MARCHF8: variants seen among roughly 807,000 people sequenced by gnomAD.
MARCHF8 encodes the protein membrane associated ring-CH-type finger 8.
Under a neutral mutation model 51.6 loss-of-function variants are expected in MARCHF8, and 40 were observed. The ratio of observed to expected loss-of-function variants is 0.77; its 90% CI spans 0.60 to 1.01. The LOEUF is 1.01. Ranked by LOEUF, MARCHF8 falls within the 50% of genes least tolerant of loss-of-function variation. MARCHF8 has a pLI of 0.00. For missense variants in MARCHF8, 685 were observed against 708.6 expected, an observed-to-expected ratio of 0.97 and a Z score of 0.38; for synonymous variants, 263 against 280.3, an observed-to-expected ratio of 0.94 and a Z score of 0.62.
chr10:45,463,406 T>C lies in MARCHF8; in HGVS notation c.833A>G (p.His278Arg), dbSNP rs1287755935. Residue 278 changes from histidine to arginine, a missense_variant, in exon 5 of 8, where the codon CAT becomes CGT. Transcript: ENST00000453424. ...GLSASSLHRF[H>R]ELESCAARLH... The stretch of plus-strand genomic sequence containing the variant: ...GCGAGCAGCGCAGCTCTCCAGCTCA[T>C]GGAACCTGTGCAGGCTGCTGGCGCT... 5 of 1,550,542 alleles carry C rather than the reference T, an allele frequency of 3.2e-6. No homozygotes were observed. Among genetic ancestry groups the C allele is most frequent in the South Asian group, 1.2e-5 (1 of 84,072 alleles).
chr10:45,494,086 A>G (rs1280336147), intron 2 of MARCHF8, among the ~76,000 whole-genome samples: 1 of 152,248 alleles, frequency 6.6e-6, no homozygotes, highest in Non-Finnish European at 1.5e-5. Flanking sequence ...GGAAAGACTG[A>G]GTCTGAGGGT....
In MARCHF8 at chr10:45,526,484, G is replaced by GGAGT. The variant is rs1259263782; in HGVS notation, c.102+6622_102+6625dup. ...CAGAGGCATTGCTCAAACTCACATG[G>GGAGT]GAGTACACAGGCTTCCGAGCCCTGA... is the stretch of plus-strand genomic sequence containing the variant. On this transcript the variant is annotated intron_variant, in intron 2 of 7. Coordinates refer to ENST00000453424, the MANE Select transcript of MARCHF8 (RefSeq NM_001282866.2). Among the ~76,000 whole-genome samples the GGAGT allele has an allele frequency of 7.9e-5, 12 of 152,116 alleles. 1 individual carries two copies. The highest frequency in any genetic ancestry group is 7.2e-4 in the Admixed American group (11 of 15,272).
intron 3 of MARCHF8, among the ~76,000 whole-genome samples, chr10:45,479,463 T>G (rs952637266): frequency 6.6e-6 from 1 of 152,176 alleles, no homozygotes; most frequent in Non-Finnish European, 1.5e-5. Context: ...GCTGATATGA[T>G]TTGGCTGTGT....
At position 45,529,074 on chromosome 10, in the gene MARCHF8, A is replaced by G. The variant is rs149965109; in HGVS notation, c.102+4036T>C. ...AAATTACTTGACTTCAAATTGTACT[A>G]TAAGGCTATAACAACCAAAACTATT... On this transcript the variant is annotated intron_variant, in intron 2 of 7. Coordinates refer to ENST00000453424, the MANE Select transcript of MARCHF8 (RefSeq NM_001282866.2). Among the ~76,000 whole-genome samples, 7 of 152,396 alleles carry G rather than the reference A, an allele frequency of 4.6e-5. No individual in the cohort carries two copies. In the East Asian group the frequency reaches 1.3e-3, roughly 29 times the overall value.
At chr10:45,498,716 TCCTC>T (rs898015332) in intron 2 of MARCHF8, among the ~76,000 whole-genome samples, 3 of 152,196 alleles carry the variant, frequency 2.0e-5, no homozygotes, top group Non-Finnish European at 4.4e-5. Flanking sequence ...CCTCAGGTGA[TCCTC>T]CCTCCTCGGC....
chr10:45,550,313 G>T (rs9422650), intron 1 of MARCHF8, among the ~76,000 whole-genome samples: 9,388 of 152,146 alleles, frequency 0.062, 331 homozygotes, highest in Non-Finnish European at 0.067. Context: ...AATCCATACC[G>T]CTTGAAGATC....
intron 2 of MARCHF8, among the ~76,000 whole-genome samples, chr10:45,493,116 T>C (rs1244781428): frequency 6.6e-6 from 1 of 152,158 alleles, no homozygotes; most frequent in Non-Finnish European, 1.5e-5. Context: ...AAGAATGACA[T>C]AAAAGAAGCA....
At chr10:45,513,198 G>A (rs936955673) in intron 2 of MARCHF8, among the ~76,000 whole-genome samples, 8 of 150,412 alleles carry the variant, frequency 5.3e-5, no homozygotes, top group East Asian at 1.9e-4. Flanking sequence ...CCCCCTCTGC[G>A]AGAAACACCC....
In MARCHF8 at chr10:45,467,726, T is replaced by G. The variant is rs971309519; in HGVS notation, c.154-3399A>C. 9.2e-5 allele frequency among the ~76,000 whole-genome samples: 14 copies of G among 151,804 alleles called. 1 individual carries two copies. The South Asian group carries it at 2.9e-3, about 32-fold the overall frequency. On this transcript the variant is annotated intron_variant, in intron 3 of 7. Coordinates refer to ENST00000453424, the MANE Select transcript of MARCHF8 (RefSeq NM_001282866.2). The stretch of plus-strand genomic sequence containing the variant: ...GGGACAGGACCAGCCGTCCTGCTCT[T>G]TCTGAAAGCAGCAGGCAGTGTGGCA...
intron 1 of MARCHF8, among the ~76,000 whole-genome samples, chr10:45,576,312 AATG>A (rs1398877296): frequency 1.3e-5 from 2 of 152,238 alleles, no homozygotes; most frequent in African/African-American, 4.8e-5. Flanking sequence ...AATACAGAAC[AATG>A]ATGAACTTCA....
At chr10:45,557,769 T>C (rs1227786093) in intron 1 of MARCHF8, among the ~76,000 whole-genome samples, 2 of 152,150 alleles carry the variant, frequency 1.3e-5, no homozygotes, top group African/African-American at 4.8e-5. Context: ...ACTCATTCCA[T>C]GTCTGCATTT....
chr10:45,582,066 A>G (rs1219626870), intron 1 of MARCHF8, among the ~76,000 whole-genome samples: 1 of 152,176 alleles, frequency 6.6e-6, no homozygotes, highest in African/African-American at 2.4e-5. Context: ...CAACCTTATC[A>G]TGCCATAATG....
chr10:45,585,366 G>A (rs1185052045), intron 1 of MARCHF8, among the ~76,000 whole-genome samples: 1 of 152,000 alleles, frequency 6.6e-6, no homozygotes, highest in Non-Finnish European at 1.5e-5. Flanking sequence ...GACAAATTGT[G>A]GAATATTCAT....
In MARCHF8 at chr10:45,467,600, A is replaced by G. The variant is rs1041022281; in HGVS notation, c.154-3273T>C. ...GCTGACAGCTTCAAATAATGGTTCCATGGTCAGATTCTGGAAGCCAGTGTA... is the reference window on the plus strand; with the variant it reads ...GCTGACAGCTTCAAATAATGGTTCCGTGGTCAGATTCTGGAAGCCAGTGTA... On this transcript the variant is annotated intron_variant, in intron 3 of 7. Coordinates refer to ENST00000453424, the MANE Select transcript of MARCHF8 (RefSeq NM_001282866.2). 3.9e-5 allele frequency among the ~76,000 whole-genome samples: 6 copies of G among 152,166 alleles called. No individual in the cohort carries two copies. The East Asian group carries it at 9.6e-4, about 24-fold the overall frequency.
rs2133227026 is a variant in MARCHF8, at chr10:45,518,506, A to G, written c.102+14604T>C. On this transcript the variant is annotated intron_variant, in intron 2 of 7. Coordinates refer to ENST00000453424, the MANE Select transcript of MARCHF8 (RefSeq NM_001282866.2). ...CCATTCATGGATTTTCCCTGCCTAGACTACTGCTCTAAAGACTCTGATCTG... is the reference window on the plus strand; with the variant it reads ...CCATTCATGGATTTTCCCTGCCTAGGCTACTGCTCTAAAGACTCTGATCTG... 1.3e-5 allele frequency among the ~76,000 whole-genome samples: 2 copies of G among 152,296 alleles called. 1 individual carries two copies. The highest frequency in any genetic ancestry group is 4.1e-4 in the South Asian group (2 of 4,826).
At chr10:45,465,974 A>C (rs10900218) in intron 3 of MARCHF8, among the ~76,000 whole-genome samples, 3 of 152,014 alleles carry the variant, frequency 2.0e-5, no homozygotes, top group Non-Finnish European at 4.4e-5. Flanking sequence ...AACAAAATGA[A>C]AGACATCTAG....
chr10:45,505,879 C>T (rs189319040), intron 2 of MARCHF8, among the ~76,000 whole-genome samples: 22 of 152,312 alleles, frequency 1.4e-4, no homozygotes, highest in Admixed American at 9.1e-4. Flanking sequence ...CTCTTTGACA[C>T]GGACTGATGA....
chr10:45,523,010 G>GA (rs1164481119), intron 2 of MARCHF8, among the ~76,000 whole-genome samples: 7 of 152,070 alleles, frequency 4.6e-5, no homozygotes, highest in Non-Finnish European at 1.0e-4. Flanking sequence ...ACAAATGAAT[G>GA]AAAAAATATG....
At chr10:45,476,375 G>A (rs1407733521) in intron 3 of MARCHF8, among the ~76,000 whole-genome samples, 2 of 152,172 alleles carry the variant, frequency 1.3e-5, no homozygotes, top group Admixed American at 6.5e-5. Flanking sequence ...ACCAGTCTGA[G>A]CAACATAGTG....
Sources: gnomAD v4.1 joint callset for allele counts (sites outside exome capture counted in the v4.1 genomes callset) on GRCh38, gnomAD v4.1.1 for gene constraint, MANE v1.5 for transcripts, NCBI Gene and HGNC (gene_info 2026-07-23, HGNC 2026-07-21) for gene names.